The following BIN3 variants were observed in gnomAD, a reference collection of about 807,000 sequenced individuals.
BIN3 encodes the protein bridging integrator 3.
A neutral mutation model predicts 38.2 loss-of-function variants in BIN3; 41 were observed. That is an observed-to-expected ratio of 1.07 (90% CI 0.84 to 1.39). The LOEUF is 1.39. Ranked by LOEUF, BIN3 falls within the 40% of genes most tolerant of loss-of-function variation. The pLI, the probability that BIN3 is intolerant of heterozygous loss-of-function variation, is 0.00. For synonymous variants in BIN3, 145 were observed against 122.6 expected (o/e 1.18, Z -1.21); for missense variants, 361 against 324.3 (o/e 1.11, Z -0.87).
At position 22,621,749 on chromosome 8, in the gene BIN3, C is replaced by T. The variant is rs7835307; in HGVS notation, c.616-181G>A. 0.029 allele frequency among the ~76,000 whole-genome samples: 4,475 copies of T among 152,216 alleles called. 220 individuals carry two copies. Among genetic ancestry groups the T allele is most frequent in the African/African-American group, 0.1 (4,135 of 41,524 alleles). ...TAGCTGAGACTGAACCAAAAGGAGC[C>T]GGGGAGCAACAGGGCCTCAGTGGCT... is the stretch of plus-strand genomic sequence containing the variant. On this transcript the variant is annotated intron_variant, in intron 8 of 8. Transcript: ENST00000276416.
rs779947309 is a variant in BIN3, at chr8:22,644,789, A to G, written c.23T>C (p.Ile8Thr). 2.0e-5 allele frequency: 32 copies of G among 1,611,220 alleles called. No homozygotes were observed. The African/African-American group carries it at 3.5e-4, about 17-fold the overall frequency. Residue 8 changes from isoleucine to threonine, a missense_variant, in exon 2 of 9, where the codon ATT (isoleucine) becomes ACT (threonine). Coordinates refer to ENST00000276416, the MANE Select transcript of BIN3 (RefSeq NM_018688.6). MSWIPFKIGQPKKQIVPK... is the reference protein window; with the variant it reads MSWIPFKTGQPKKQIVPK... ...CACAATCTGTTTCTTGGGCTGCCCA[A>G]TCTTAAAAGGAATCCTATAAGAGAA...
intron 1 of BIN3, among the ~76,000 whole-genome samples, chr8:22,649,321 G>C (rs1563973065): frequency 6.6e-6 from 1 of 152,082 alleles, no homozygotes; most frequent in South Asian, 2.1e-4. Flanking sequence ...AGACTTATTT[G>C]GCATTTAAAA....
At chr8:22,650,056 T>C (rs1305499233) in intron 1 of BIN3, among the ~76,000 whole-genome samples, 2 of 152,216 alleles carry the variant, frequency 1.3e-5, no homozygotes, top group African/African-American at 2.4e-5. Flanking sequence ...TTCAGGTATA[T>C]AATGGAAATG....
rs757867694 is a variant in BIN3 at position 22,621,480 on chromosome 8, C to A, written c.704G>T (p.Arg235Leu). 2 of 1,613,768 alleles carry A rather than the reference C, an allele frequency of 1.2e-6. No individual in the cohort carries two copies. Among genetic ancestry groups the A allele is most frequent in the Non-Finnish European group, 8.5e-7 (1 of 1,179,894 alleles). ...CTCACTGAGTTTGGCCTCGTTCTCC[C>A]GCTCCCGCTGCTCATCGGAGTGGCC... is the stretch of plus-strand genomic sequence containing the variant. ...QPGHSDEQRE[R>L]ENEAKLSELR... The change falls in exon 9 of 9, where the codon CGG (arginine) becomes CTG (leucine). Residue 235 changes from arginine to leucine, a missense_variant. Coordinates refer to ENST00000276416, the MANE Select transcript of BIN3 (RefSeq NM_018688.6).
At chr8:22,658,309 G>A (rs945438039) in intron 1 of BIN3, among the ~76,000 whole-genome samples, 2 of 152,140 alleles carry the variant, frequency 1.3e-5, no homozygotes, top group Admixed American at 6.5e-5. Flanking sequence ...GGCAAAGGGG[G>A]GAAAGATTCT....
At chr8:22,653,089 T>C (rs1021061120) in intron 1 of BIN3, among the ~76,000 whole-genome samples, 2 of 152,212 alleles carry the variant, frequency 1.3e-5, no homozygotes, top group Admixed American at 6.5e-5. Context: ...CATTTCAAGG[T>C]TTCTTGTACA....
chr8:22,665,526 A>G lies in BIN3; in HGVS notation c.8+3518T>C, dbSNP rs190950862. On this transcript the variant is annotated intron_variant, in intron 1 of 8. Coordinates refer to ENST00000276416, the MANE Select transcript of BIN3 (RefSeq NM_018688.6). ...CAGGGTGTGAGGGGCCACTCAGGGA[A>G]GACCCTCAGAGAAGGTGAAGCGTGG... is the stretch of plus-strand genomic sequence containing the variant. 4.9e-4 allele frequency among the ~76,000 whole-genome samples: 75 copies of G among 152,304 alleles called. 1 individual carries two copies. Among genetic ancestry groups the G allele is most frequent in the African/African-American group, 1.7e-3 (72 of 41,580 alleles).
intron 1 of BIN3, among the ~76,000 whole-genome samples, chr8:22,667,863 C>T (rs1019215816): frequency 6.6e-6 from 1 of 152,142 alleles, no homozygotes; most frequent in African/African-American, 2.4e-5. Context: ...GAGAAGTATC[C>T]CTGACACTGA....
chr8:22,629,904 G>A, intron 6 of BIN3, 60 bp downstream of exon 6: 1 of 1,475,148 alleles, frequency 6.8e-7, no homozygotes, highest in Non-Finnish European at 9.3e-7. Context: ...CAGTCCCCAA[G>A]TGGCTGCTGA....
chr8:22,663,230 G>T (rs1307452369), intron 1 of BIN3, among the ~76,000 whole-genome samples: 2 of 151,500 alleles, frequency 1.3e-5, no homozygotes. Flanking sequence ...GTGTGTGTGT[G>T]AGTTGTGATA....
chr8:22,661,791 C>CAT (rs990709554), intron 1 of BIN3, among the ~76,000 whole-genome samples: 1 of 151,998 alleles, frequency 6.6e-6, no homozygotes, highest in African/African-American at 2.4e-5. Flanking sequence ...TTAACTACTA[C>CAT]ATATATATAC....
At chr8:22,646,059 C>A (rs925371173) in intron 1 of BIN3, among the ~76,000 whole-genome samples, 1 of 152,208 alleles carries the variant, frequency 6.6e-6, no homozygotes, top group African/African-American at 2.4e-5. Context: ...GAGCAGGCTG[C>A]CCTTCGGCAG....
chr8:22,623,970 T>A lies in BIN3; in HGVS notation c.560A>T (p.Tyr187Phe). Reference sequence around the variant, plus strand: ...CTGGAAGTAGTCGAGGCGGCTGCCGTAGAAGCGCGGCATCTCCTCCAGCAG... The same window carrying A: ...CTGGAAGTAGTCGAGGCGGCTGCCGAAGAAGCGCGGCATCTCCTCCAGCAG... ...RQLLEEMPRF[Y>F]GSRLDYFQPS... Residue 187 changes from tyrosine to phenylalanine, a missense_variant, in exon 8 of 9, where the codon TAC becomes TTC. Coordinates refer to ENST00000276416, the MANE Select transcript of BIN3 (RefSeq NM_018688.6). 2 of 1,612,252 alleles carry A rather than the reference T, an allele frequency of 1.2e-6. No individual in the cohort carries two copies. The highest frequency in any genetic ancestry group is 1.7e-4 in the Middle Eastern group (1 of 6,016).
At chr8:22,629,326 G>A (rs150860390) in intron 6 of BIN3, among the ~76,000 whole-genome samples, 79 of 152,314 alleles carry the variant, frequency 5.2e-4, no homozygotes, top group African/African-American at 1.9e-3. Context: ...CAGGGAAGAT[G>A]AAGTGATTCG....
intron 8 of BIN3, among the ~76,000 whole-genome samples, chr8:22,622,212 AG>A (rs1254418480): frequency 6.6e-6 from 1 of 152,244 alleles, no homozygotes; most frequent in Non-Finnish European, 1.5e-5. Flanking sequence ...CAGATGGCTG[AG>A]GACCAGGGGC....
Position 22,630,468 on chromosome 8 carries a change from G to C in BIN3, c.271C>G (p.Arg91Gly). ...MVTALDTAMKRMDAFNQEKVN... is the reference protein window; with the variant it reads ...MVTALDTAMKGMDAFNQEKVN... ...TTTTCCTGATTGAAGGCATCCATCC[G>C]CTTCATGGCCGTGTCCAGGGCCGTC... is the stretch of plus-strand genomic sequence containing the variant. The change falls in exon 5 of 9, where the codon CGG becomes GGG. Residue 91 changes from arginine (R) to glycine (G), a missense_variant. Physicochemically the swap from Arg to Gly is moderately radical, Grantham distance 125. Coordinates refer to ENST00000276416, the MANE Select transcript of BIN3 (RefSeq NM_018688.6). 1 of 1,613,978 alleles carries C rather than the reference G, an allele frequency of 6.2e-7. No individual in the cohort carries two copies. The highest frequency in any genetic ancestry group is 8.5e-7 in the Non-Finnish European group (1 of 1,179,870).
At chr8:22,628,393 C>T (rs1459779072) in intron 6 of BIN3, among the ~76,000 whole-genome samples, 1 of 152,216 alleles carries the variant, frequency 6.6e-6, no homozygotes, top group Non-Finnish European at 1.5e-5. Context: ...TGGGAAGAGG[C>T]TGTAGGCTGC....
chr8:22,635,463 T>C (rs1802337625), intron 4 of BIN3, among the ~76,000 whole-genome samples: 1 of 151,998 alleles, frequency 6.6e-6, no homozygotes, highest in Non-Finnish European at 1.5e-5. Context: ...CAGTGTGGTA[T>C]ATAGACACGG....
rs1801785503 is a variant in BIN3, at chr8:22,621,113, GC to G, written c.*308del. The stretch of plus-strand genomic sequence containing the variant: ...TAAGACCCCCAACTTAGCCAACGAA[GC>G]CCATGGCCTCAGAAGGGCTGCAGCT... On this transcript the variant is annotated 3_prime_UTR_variant, in exon 9 of 9. Coordinates refer to ENST00000276416, the MANE Select transcript of BIN3 (RefSeq NM_018688.6). 1 of 320,332 alleles carries G rather than the reference GC, an allele frequency of 3.1e-6. No individual in the cohort carries two copies. The highest frequency in any genetic ancestry group is 2.1e-5 in the African/African-American group (1 of 46,570). 19.8% of individuals were successfully genotyped at this position (320,332 alleles called of 1,614,324 possible).
Sources: gnomAD v4.1 joint callset for allele counts (sites outside exome capture counted in the v4.1 genomes callset) on GRCh38, gnomAD v4.1.1 for gene constraint, MANE v1.5 for transcripts, NCBI Gene and HGNC (gene_info 2026-07-23, HGNC 2026-07-21) for gene names.